AATK: variants seen among roughly 807,000 people sequenced by gnomAD.
AATK encodes lemur tail kinase 1.
A neutral mutation model predicts 114.3 loss-of-function variants in AATK; 91 were observed. That is an observed-to-expected ratio of 0.80 (90% CI 0.67 to 0.95). The LOEUF is 0.95. AATK is among the 40% of genes least tolerant of loss of function. The pLI, the probability that AATK is intolerant of heterozygous loss-of-function variation, is 0.00. For missense variants in AATK, 2,176 were observed against 1,965.2 expected, an observed-to-expected ratio of 1.11 and a Z score of -2.03; for synonymous variants, 1,075 against 916.5, an observed-to-expected ratio of 1.17 and a Z score of -3.12.
chr17:81,130,917 A>T (rs1385513211), intron 3 of AATK, 144 bp downstream of exon 3: 1 of 1,038,294 alleles, frequency 9.6e-7, no homozygotes. Flanking sequence ...CCAGGGCTGC[A>T]CACTGCGTCT....
rs1401629378 is a variant in AATK, at chr17:81,122,044, A to G, written c.1892T>C (p.Val631Ala). Reference sequence around the variant, plus strand: ...GAAGAAGGCAGGACAGAAGGCGGCCACGCCCCAGTCTGCATCCTCCGCTCC... The same window carrying G: ...GAAGAAGGCAGGACAGAAGGCGGCCGCGCCCCAGTCTGCATCCTCCGCTCC... ...EGGAEDADWG[V>A]AAFCPAFFED... Residue 631 changes from valine (V) to alanine (A), a missense_variant, in exon 11 of 14, where the codon GTG (valine) becomes GCG (alanine). Val to Ala is a moderately conservative substitution (Grantham distance 64). Coordinates refer to ENST00000326724, the MANE Select transcript of AATK (RefSeq NM_001080395.3). The G allele has an allele frequency of 1.0e-5, 16 of 1,597,824 alleles. No individual in the cohort carries two copies. Among genetic ancestry groups the G allele is most frequent in the East Asian group, 2.2e-5 (1 of 44,744 alleles).
At position 81,119,980 on chromosome 17, in the gene AATK, G is replaced by A; in HGVS notation, c.3839C>T (p.Pro1280Leu). 2.8e-6 allele frequency: 4 copies of A among 1,448,196 alleles called. No individual in the cohort carries two copies. The highest frequency in any genetic ancestry group is 1.5e-5 in the African/African-American group (1 of 67,914). 89.7% of individuals were successfully genotyped at this position (1,448,196 alleles called of 1,614,324 possible). ...ATTTGGGGAGCCATCAGCCTGCTGC[G>A]GCCGGTTGGGGGCGCTGGGAGAGCC... ...SPGSPSAPNRPQQADGSPNGS... is the reference protein window; with the variant it reads ...SPGSPSAPNRLQQADGSPNGS... The change falls in exon 12 of 14, where the codon CCG (proline) becomes CTG (leucine). Residue 1280 changes from proline to leucine, a missense_variant. By Grantham distance (98) the Pro-to-Leu change is moderately conservative. Around this residue, in one of 4 missense-constraint regions of AATK, gnomAD observed 1,701 missense variants for 1,394.7 expected, o/e 1.22. Coordinates refer to ENST00000326724, the MANE Select transcript of AATK (RefSeq NM_001080395.3).
chr17:81,125,878 T>C, intron 7 of AATK: 1 of 467,588 alleles, frequency 2.1e-6, no homozygotes, highest in Non-Finnish European at 4.4e-6. Context: ...GGCTGGCAGC[T>C]GCCCTCTTCA....
intron 1 of AATK, among the ~76,000 whole-genome samples, chr17:81,149,616 C>T (rs1421366319): frequency 1.3e-5 from 2 of 152,174 alleles, no homozygotes; most frequent in East Asian, 3.9e-4. Context: ...CTTCTAAAAG[C>T]ACTGCCCGCG....
rs757065329 is a variant in AATK at position 81,122,811 on chromosome 17, C to T, written c.1125G>A (p.Met375Ile). ...LTLSDRWYEV[M>I]QFCWLQPEQR... The stretch of plus-strand genomic sequence containing the variant: ...GCTCGGGCTGCAGCCAGCAGAACTG[C>T]ATCACCTCGTACCTGCGAGGAGGTC... Residue 375 changes from methionine to isoleucine, a missense_variant, in exon 11 of 14, where the codon ATG (methionine) becomes ATA (isoleucine). By Grantham distance (10) the Met-to-Ile change is conservative (BLOSUM62 1). Coordinates refer to ENST00000326724, the MANE Select transcript of AATK (RefSeq NM_001080395.3). 1.3e-6 allele frequency: 2 copies of T among 1,562,692 alleles called. No individual in the cohort carries two copies. The highest frequency in any genetic ancestry group is 1.7e-6 in the Non-Finnish European group (2 of 1,153,670).
At chr17:81,136,172 G>C (rs1287715234) in intron 1 of AATK, 1 of 152,488 alleles carries the variant, frequency 6.6e-6, no homozygotes, top group East Asian at 1.9e-4. Context: ...CCTGGCATCA[G>C]TCCACACCCC....
chr17:81,136,554 C>T (rs960334414), intron 1 of AATK, among the ~76,000 whole-genome samples: 1 of 152,222 alleles, frequency 6.6e-6, no homozygotes, highest in Admixed American at 6.5e-5. Context: ...CCATCCCATG[C>T]CTGGTCCTTC....
In AATK at chr17:81,122,652, G is replaced by C; in HGVS notation, c.1284C>G (p.Pro428=). ...CGCCCAGCATGGGCCCCGCCGCACC[G>C]GGCCCGGGCCCCACGCCGCCCCCGC... ...RPGGGGVGPG[P]GAAGPMLGGV... is the part of the protein sequence containing the mutation. Residue 428 remains proline (P), a synonymous_variant, in exon 11 of 14, where the codon CCC becomes CCG. Coordinates refer to ENST00000326724, the MANE Select transcript of AATK (RefSeq NM_001080395.3). 2.0e-6 allele frequency: 3 copies of C among 1,472,604 alleles called. No homozygotes were observed. Among genetic ancestry groups the C allele is most frequent in the Middle Eastern group, 1.8e-4 (1 of 5,506 alleles). The allele number at this position is 1,472,604 out of a possible 1,614,324, so 91.2% of individuals were successfully genotyped here.
At position 81,123,252 on chromosome 17, in the gene AATK, G is replaced by A. The variant is rs1036318420; in HGVS notation, c.1054C>T (p.Arg352Trp). Reference protein sequence around the residue: ...SDQQVLAYTVREQQLKLPKPQ... With the variant: ...SDQQVLAYTVWEQQLKLPKPQ... The stretch of plus-strand genomic sequence containing the variant: ...TTGGGCAGCTTGAGCTGCTGCTCCC[G>A]GACCGTGTACGCCAGCACCTGCTGG... Residue 352 changes from arginine (R) to tryptophan (W), a missense_variant, in exon 10 of 14, where the codon CGG becomes TGG. Transcript: ENST00000326724. 30 of 1,411,924 alleles carry A rather than the reference G, an allele frequency of 2.1e-5. No individual in the cohort carries two copies. The highest frequency in any genetic ancestry group is 2.0e-4 in the Middle Eastern group (1 of 4,924). The allele number at this position is 1,411,924 out of a possible 1,614,324, so 87.5% of individuals were successfully genotyped here.
At chr17:81,152,490 G>A (rs1242799208) in intron 1 of AATK, among the ~76,000 whole-genome samples, 3 of 152,050 alleles carry the variant, frequency 2.0e-5, no homozygotes, top group South Asian at 4.2e-4. Flanking sequence ...AGGCTGAGGC[G>A]GGAGGATCGC....
Position 81,119,473 on chromosome 17 carries a change from G to A in AATK, c.3991C>T (p.Pro1331Ser), listed in dbSNP as rs755987684. 2.0e-6 allele frequency: 3 copies of A among 1,512,392 alleles called. No homozygotes were observed. The highest frequency in any genetic ancestry group is 2.6e-6 in the Non-Finnish European group (3 of 1,133,834). 93.7% of individuals were successfully genotyped at this position (1,512,392 alleles called of 1,614,324 possible). A position where few individuals can be genotyped will look rare whatever the true frequency, so the allele number is the denominator to read the frequency against. The change falls in exon 13 of 14, where the codon CCC becomes TCC. Residue 1331 changes from proline (P) to serine (S), a missense_variant. This residue lies in a region of AATK where 1,701 missense variants were observed against 1,394.7 expected (regional missense o/e 1.22). Transcript: ENST00000326724. ...APAPAAPTPTPAPFSRFTVSP... is the reference protein window; with the variant it reads ...APAPAAPTPTSAPFSRFTVSP... ...ACCGTGAAGCGCGAGAAGGGAGCGGGCGTGGGCGTGGGCGCAGCCGGGGCG... is the reference window on the plus strand; with the variant it reads ...ACCGTGAAGCGCGAGAAGGGAGCGGACGTGGGCGTGGGCGCAGCCGGGGCG...
intron 1 of AATK, among the ~76,000 whole-genome samples, chr17:81,157,903 G>A (rs780435232): frequency 7.9e-5 from 12 of 152,316 alleles, no homozygotes; most frequent in Middle Eastern, 3.4e-3. Flanking sequence ...CCCGCTCTTC[G>A]TGGGGGCCTA....
intron 1 of AATK, among the ~76,000 whole-genome samples, chr17:81,158,174 G>A (rs11650927): frequency 0.32 from 49,272 of 152,176 alleles, 8,136 homozygotes; most frequent in Non-Finnish European, 0.36. Flanking sequence ...ACAGTCTGAC[G>A]CGCTAGTTCA....
rs1264164611 is a variant in AATK at position 81,122,421 on chromosome 17, C to T, written c.1515G>A (p.Leu505=). The T allele has an allele frequency of 6.9e-7, 1 of 1,457,704 alleles. No homozygotes were observed. The highest frequency in any genetic ancestry group is 9.0e-7 in the Non-Finnish European group (1 of 1,107,400). 90.3% of individuals were successfully genotyped at this position (1,457,704 alleles called of 1,614,324 possible). ...CCGGGGGCGCGCCGTCGGGGGCGCA[C>T]AGCTCCTGCAGGCGTGCGGTGCGGC... ...SPGRTARLQE[L]CAPDGAPPGV... Residue 505 remains leucine (L), a synonymous_variant, in exon 11 of 14, where the codon CTG becomes CTA. Transcript: ENST00000326724.
chr17:81,119,356 G>T, intron 13 of AATK, 24 bp downstream of exon 13: 1 of 389,952 alleles, frequency 2.6e-6, no homozygotes. Flanking sequence ...GTGCCCTTCT[G>T]CCACAGCCCC....
intron 1 of AATK, among the ~76,000 whole-genome samples, chr17:81,157,127 G>A (rs1183011542): frequency 6.6e-6 from 1 of 152,238 alleles, no homozygotes; most frequent in Non-Finnish European, 1.5e-5. Context: ...GGTGAGGACA[G>A]GGCAGGGGCT....
At chr17:81,148,820 A>C (rs1438323189) in intron 1 of AATK, among the ~76,000 whole-genome samples, 2 of 152,146 alleles carry the variant, frequency 1.3e-5, no homozygotes, top group African/African-American at 4.8e-5. Flanking sequence ...GCGCACACTC[A>C]CGCACACACC....
rs2060824772 is a variant in AATK at position 81,126,362 on chromosome 17, G to A, written c.755+65C>T. The A allele has an allele frequency of 6.6e-6, 10 of 1,510,568 alleles. No homozygotes were observed. In the South Asian group the frequency reaches 1.2e-4, roughly 19 times the overall value. 93.6% of individuals were successfully genotyped at this position (1,510,568 alleles called of 1,614,324 possible). On this transcript the variant is annotated intron_variant, in intron 7 of 13. Transcript: ENST00000326724. The surrounding 1 kb of genome is among the most constrained non-coding windows in gnomAD (Gnocchi z 5.1). Reference sequence around the variant, plus strand: ...CCCCCTGAGGCAGGACCCGCCCTATGCCCTTCCTTCAGGGGAGGGGCCTGG... The same window carrying A: ...CCCCCTGAGGCAGGACCCGCCCTATACCCTTCCTTCAGGGGAGGGGCCTGG...
At chr17:81,144,516 G>A (rs944130552) in intron 1 of AATK, among the ~76,000 whole-genome samples, 1 of 152,242 alleles carries the variant, frequency 6.6e-6, no homozygotes, top group Non-Finnish European at 1.5e-5. Flanking sequence ...GGACAATGGA[G>A]GGGCAAGGGG....
Sources: allele counts gnomAD v4.1 joint callset (sites outside exome capture counted in the v4.1 genomes callset), GRCh38; gene constraint gnomAD v4.1.1; regional missense constraint gnomAD v4.1.1; non-coding constraint Gnocchi (gnomAD v3.1); transcripts MANE v1.5; gene names NCBI Gene and HGNC (gene_info 2026-07-23, HGNC 2026-07-21).